DLC1: variants seen among roughly 807,000 people sequenced by gnomAD.
The protein encoded by DLC1 is DLC1 Rho GTPase activating protein.
A neutral mutation model predicts 140.3 loss-of-function variants in DLC1; 54 were observed. The observed-to-expected ratio is 0.38, with a 90% CI of 0.31 to 0.48. DLC1 has a LOEUF of 0.48. Ranked by LOEUF, DLC1 falls within the 20% of genes least tolerant of loss-of-function variation. The probability of loss-of-function intolerance (pLI) is 0.96; values close to 1 mark genes in which losing one functional copy is unlikely to be tolerated. For synonymous variants in DLC1, 986 were observed against 728.1 expected (o/e 1.35, Z -5.70); for missense variants, 2,536 against 1,907.0 (o/e 1.33, Z -6.14).
At chr8:13,148,608 A>T (rs971316579) in intron 5 of DLC1, among the ~76,000 whole-genome samples, 1 of 152,128 alleles carries the variant, frequency 6.6e-6, no homozygotes, top group Admixed American at 6.6e-5. Context: ...AATGGGACAC[A>T]GGCATGCTGG....
intron 2 of DLC1, among the ~76,000 whole-genome samples, chr8:13,420,673 G>C (rs1326113184): frequency 6.6e-6 from 1 of 152,024 alleles, no homozygotes; most frequent in Non-Finnish European, 1.5e-5. Context: ...TTCTGTTCCT[G>C]AGTTAGTTTG....
intron 4 of DLC1, among the ~76,000 whole-genome samples, chr8:13,367,431 A>G (rs914901513): frequency 3.3e-5 from 5 of 152,074 alleles, no homozygotes; most frequent in African/African-American, 1.2e-4. Flanking sequence ...GCATATCTCA[A>G]TCGTCATTAG....
chr8:13,552,042 T>C (rs1261414516), intron 1 of DLC1, among the ~76,000 whole-genome samples: 2 of 141,180 alleles, frequency 1.4e-5, no homozygotes, highest in Non-Finnish European at 3.1e-5. Context: ...TGTGTGTGTA[T>C]ATATATATAT....
At chr8:13,425,013 T>C (rs1239936722) in intron 2 of DLC1, among the ~76,000 whole-genome samples, 1 of 152,156 alleles carries the variant, frequency 6.6e-6, no homozygotes, top group African/African-American at 2.4e-5. Context: ...GTGCTGAGAA[T>C]TCTATGACTT....
Position 13,105,346 on chromosome 8 carries a change from G to C in DLC1, c.1503-2493C>G, listed in dbSNP as rs556935445. Among the ~76,000 whole-genome samples the C allele has an allele frequency of 2.0e-5, 3 of 152,284 alleles. No homozygotes were observed. In the Middle Eastern group the frequency reaches 0.01, roughly 518 times the overall value. On this transcript the variant is annotated intron_variant, in intron 7 of 17. Transcript: ENST00000276297. ...GGGACCTTATTTCCTTACAGAGACAGTACTGATATCAAATCATAGTTCCAG... is the reference window on the plus strand; with the variant it reads ...GGGACCTTATTTCCTTACAGAGACACTACTGATATCAAATCATAGTTCCAG...
intron 5 of DLC1, among the ~76,000 whole-genome samples, chr8:13,138,002 GT>G (rs1239018998): frequency 1.3e-5 from 2 of 152,180 alleles, no homozygotes; most frequent in Admixed American, 6.5e-5. Context: ...AGATTACGTA[GT>G]TAACTCCTAA....
At chr8:13,312,900 C>G (rs1370472755) in intron 4 of DLC1, among the ~76,000 whole-genome samples, 1 of 152,106 alleles carries the variant, frequency 6.6e-6, no homozygotes, top group East Asian at 1.9e-4. Flanking sequence ...GGATGATACT[C>G]AAGATAATTA....
At chr8:13,103,092 C>T (rs939451872) in intron 7 of DLC1, among the ~76,000 whole-genome samples, 3 of 151,894 alleles carry the variant, frequency 2.0e-5, no homozygotes, top group Non-Finnish European at 4.4e-5. Flanking sequence ...GGGTGGATCA[C>T]GAGGTCAGGA....
intron 2 of DLC1, among the ~76,000 whole-genome samples, chr8:13,490,055 C>A (rs1801165986): frequency 1.3e-5 from 2 of 152,064 alleles, no homozygotes; most frequent in South Asian, 4.1e-4. Context: ...AAATACACCC[C>A]CCACTTTAGG....
At chr8:13,316,776 G>C (rs2116885167) in intron 4 of DLC1, among the ~76,000 whole-genome samples, 1 of 152,272 alleles carries the variant, frequency 6.6e-6, no homozygotes. Flanking sequence ...GGCCTTGGGT[G>C]ATCAGCTCAG....
At chr8:13,174,467 G>A (rs182379182) in intron 5 of DLC1, among the ~76,000 whole-genome samples, 5 of 152,124 alleles carry the variant, frequency 3.3e-5, no homozygotes, top group African/African-American at 1.2e-4. Context: ...GCTGAACTAA[G>A]GTACATTCCT....
chr8:13,376,867 T>C (rs1404319713), intron 4 of DLC1, among the ~76,000 whole-genome samples: 1 of 152,204 alleles, frequency 6.6e-6, no homozygotes, highest in Non-Finnish European at 1.5e-5. Context: ...GTCAGGATTC[T>C]TCACCTGTTC....
chr8:13,088,178 C>G (rs1817722108), intron 16 of DLC1, among the ~76,000 whole-genome samples: 1 of 152,022 alleles, frequency 6.6e-6, no homozygotes, highest in Admixed American at 6.6e-5. Context: ...ACTCCTGGCT[C>G]AAGGGATCCT....
chr8:13,133,958 C>G (rs919382604), intron 5 of DLC1, among the ~76,000 whole-genome samples: 2 of 152,176 alleles, frequency 1.3e-5, no homozygotes, highest in Non-Finnish European at 1.5e-5. Context: ...AGGAATTGAG[C>G]TTTCACTCGG....
intron 5 of DLC1, among the ~76,000 whole-genome samples, chr8:13,161,867 C>A (rs532702569): frequency 6.6e-6 from 1 of 152,090 alleles, no homozygotes. Flanking sequence ...AATCAATATT[C>A]GTAGTATTTT....
intron 5 of DLC1, among the ~76,000 whole-genome samples, chr8:13,231,630 A>G (rs1829050976): frequency 6.6e-6 from 1 of 152,202 alleles, no homozygotes; most frequent in Non-Finnish European, 1.5e-5. Flanking sequence ...CAAGTCAAAG[A>G]TTGTTAGAGC....
At chr8:13,143,846 G>GAGAGAGAGAGAGAGAGAGAGAGAC (rs1476183797) in intron 5 of DLC1, among the ~76,000 whole-genome samples, 38 of 148,498 alleles carry the variant, frequency 2.6e-4, no homozygotes, top group Admixed American at 4.7e-4. Context: ...GAGAGAGAGA[G>GAGAGAGAGAGAGAGAGAGAGAGAC]AGAGAGACAT....
At chr8:13,210,177 C>T (rs1213912613) in intron 5 of DLC1, among the ~76,000 whole-genome samples, 1 of 152,086 alleles carries the variant, frequency 6.6e-6, no homozygotes, top group Non-Finnish European at 1.5e-5. Context: ...TGATTTCTTG[C>T]TTTTATTTTA....
intron 5 of DLC1, among the ~76,000 whole-genome samples, chr8:13,250,731 A>C (rs1478941668): frequency 6.6e-6 from 1 of 151,480 alleles, no homozygotes; most frequent in Non-Finnish European, 1.5e-5. Flanking sequence ...GTATTTAAGC[A>C]GAGTGGAAGT....
Sources: gnomAD v4.1 joint callset for allele counts (sites outside exome capture counted in the v4.1 genomes callset) on GRCh38, gnomAD v4.1.1 for gene constraint, MANE v1.5 for transcripts, NCBI Gene and HGNC (gene_info 2026-07-23, HGNC 2026-07-21) for gene names.